The following RGS5 variants were observed in gnomAD, a reference collection of about 807,000 sequenced individuals.
The protein encoded by RGS5 is regulator of G-protein signalling 5.
RGS5 carries 20 observed loss-of-function variants against 18.9 expected under a neutral mutation model. The ratio of observed to expected loss-of-function variants is 1.06; its 90% CI spans 0.74 to 1.54. RGS5 has a LOEUF of 1.54. Among genes scored for constraint, RGS5 ranks in the 40% most tolerant of loss-of-function variants. RGS5 has a pLI of 0.00. For missense variants in RGS5, 201 were observed against 211.8 expected (o/e 0.95, Z 0.32); for synonymous variants, 57 against 76.2 (o/e 0.75, Z 1.31).
At chr1:163,244,363 T>C (rs1293185928) in intron 2 of RGS5, 2 of 152,216 alleles carry the variant, frequency 1.3e-5, no homozygotes, top group Non-Finnish European at 2.9e-5. Flanking sequence ...TATATACTTA[T>C]TAATGCATTA....
intron 1 of RGS5, among the ~76,000 whole-genome samples, chr1:163,208,846 G>A (rs1331903627): frequency 6.6e-6 from 1 of 151,954 alleles, no homozygotes; most frequent in Non-Finnish European, 1.5e-5. Flanking sequence ...AATAATCAGA[G>A]ACTGGCATGC....
chr1:163,158,269 C>A lies in RGS5; in HGVS notation c.217+3646G>T, dbSNP rs1011581809. Among the ~76,000 whole-genome samples, 5 of 152,034 alleles carry A rather than the reference C, an allele frequency of 3.3e-5. No homozygotes were observed. The South Asian group carries it at 8.3e-4, about 25-fold the overall frequency. ...CATTCCACTGGTTCTTCTCTAGGAA[C>A]AGCCAGACAGAGAGAAGCAAAGGGC... On this transcript the variant is annotated intron_variant, in intron 3 of 4. Transcript: ENST00000313961.
At chr1:163,311,354 T>G (rs1373754821) in intron 1 of RGS5, among the ~76,000 whole-genome samples, 1 of 152,256 alleles carries the variant, frequency 6.6e-6, no homozygotes, top group African/African-American at 2.4e-5. Flanking sequence ...ATCATTTGTG[T>G]GTTCACTGGA....
At chr1:163,236,556 G>C (rs1647625953) in intron 2 of RGS5, among the ~76,000 whole-genome samples, 1 of 152,056 alleles carries the variant, frequency 6.6e-6, no homozygotes, top group South Asian at 2.1e-4. Flanking sequence ...TTCCCTCACA[G>C]TTAGAAAATT....
At chr1:163,234,751 C>T (rs1244115360) in intron 2 of RGS5, among the ~76,000 whole-genome samples, 1 of 152,166 alleles carries the variant, frequency 6.6e-6, no homozygotes, top group Non-Finnish European at 1.5e-5. Flanking sequence ...AATCTATTAT[C>T]TTTTCTCACT....
intron 2 of RGS5, among the ~76,000 whole-genome samples, chr1:163,257,190 G>GT (rs925665669): frequency 1.2e-4 from 19 of 152,034 alleles, no homozygotes; most frequent in Non-Finnish European, 2.4e-4. Context: ...ATAAGATGTG[G>GT]TTTTTTGGAG....
In RGS5 at chr1:163,147,381, G is replaced by A; in HGVS notation, c.507C>T (p.Arg169=). ...CCTGATAAAACTCAGAGCGCACAAAGCGAGGCAGAGAATCCTTTTCCATCA... is the reference window on the plus strand; with the variant it reads ...CCTGATAAAACTCAGAGCGCACAAAACGAGGCAGAGAATCCTTTTCCATCA... ...HALMEKDSLP[R]FVRSEFYQEL... is the part of the protein sequence containing the mutation. Residue 169 remains arginine, a synonymous_variant, in exon 5 of 5, where the codon CGC becomes CGT. Transcript: ENST00000313961. 1 of 1,611,444 alleles carries A rather than the reference G, an allele frequency of 6.2e-7. No individual in the cohort carries two copies. Among genetic ancestry groups the A allele is most frequent in the Non-Finnish European group, 8.5e-7 (1 of 1,178,826 alleles).
intron 2 of RGS5, among the ~76,000 whole-genome samples, chr1:163,242,549 T>G (rs971076236): frequency 6.6e-6 from 1 of 152,188 alleles, no homozygotes; most frequent in Non-Finnish European, 1.5e-5. Flanking sequence ...ATAAGGCAGA[T>G]TCTGTTCTTA....
chr1:163,172,537 C>T, intron 1 of RGS5: 2 of 1,546,788 alleles, frequency 1.3e-6, no homozygotes, highest in Non-Finnish European at 1.7e-6. Flanking sequence ...TATTCCATTT[C>T]TTCAGAGCAG....
At chr1:163,268,750 C>G (rs1249005961) in intron 2 of RGS5, among the ~76,000 whole-genome samples, 4 of 152,066 alleles carry the variant, frequency 2.6e-5, no homozygotes, top group Non-Finnish European at 4.4e-5. Context: ...GAGAAAACAC[C>G]AGTAAAGGCT....
chr1:163,277,904 A>G (rs1046716452), intron 2 of RGS5, among the ~76,000 whole-genome samples: 2 of 152,208 alleles, frequency 1.3e-5, no homozygotes, highest in Non-Finnish European at 2.9e-5. Flanking sequence ...TAGCTTCAAC[A>G]ATAGACTAGA....
At chr1:163,241,302 A>G (rs950789471) in intron 2 of RGS5, among the ~76,000 whole-genome samples, 1 of 152,194 alleles carries the variant, frequency 6.6e-6, no homozygotes, top group Non-Finnish European at 1.5e-5. Context: ...GGCACAGAGC[A>G]GGTCTGGTTA....
At chr1:163,193,479 T>TTTCAGGAGCTC (rs2101650455) in intron 1 of RGS5, among the ~76,000 whole-genome samples, 1 of 152,252 alleles carries the variant, frequency 6.6e-6, no homozygotes, top group Admixed American at 6.5e-5. Flanking sequence ...TGTTTGGACT[T>TTTCAGGAGCTC]TTCAGGAGCT....
rs1008022470 is a variant in RGS5, at chr1:163,250,432, G to A, written c.-281+55801C>T. On this transcript the variant is annotated intron_variant, in intron 2 of 5. Transcript: ENST00000618415. The stretch of plus-strand genomic sequence containing the variant: ...CAGCAAAATTATGAGACGTGAAGGT[G>A]ATGTGGTGATTATGGCATTATAATT... Among the ~76,000 whole-genome samples the A allele has an allele frequency of 5.6e-4, 85 of 152,178 alleles. 1 individual carries two copies. The highest frequency in any genetic ancestry group is 2.1e-4 in the Non-Finnish European group (14 of 68,044).
At position 163,147,461 on chromosome 1, in the gene RGS5, G is replaced by A. The variant is rs1657183676; in HGVS notation, c.427C>T (p.Leu143=). 6.2e-7 allele frequency: 1 copy of A among 1,611,172 alleles called. No homozygotes were observed. The highest frequency in any genetic ancestry group is 2.2e-5 in the East Asian group (1 of 44,644). The change falls in exon 5 of 5, where the codon CTG becomes TTG. Residue 143 remains leucine (L), a synonymous_variant. Coordinates refer to ENST00000313961, the MANE Select transcript of RGS5 (RefSeq NM_003617.4). Reference sequence around the variant, plus strand: ...AAGCTGCTCAGGGAAGGTTCCACCAGGTTCTTCATTGTGATGTCCTTAGTG... The same window carrying A: ...AAGCTGCTCAGGGAAGGTTCCACCAAGTTCTTCATTGTGATGTCCTTAGTG... ...HFTKDITMKN[L]VEPSLSSFDM... is the part of the protein sequence containing the mutation.
intron 2 of RGS5, among the ~76,000 whole-genome samples, chr1:163,278,057 A>T (rs1012867720): frequency 6.6e-5 from 10 of 152,072 alleles, no homozygotes; most frequent in African/African-American, 2.4e-4. Context: ...TTAAAATTTC[A>T]GAAAAAGAAG....
At chr1:163,234,669 A>G (rs1647573859) in intron 2 of RGS5, among the ~76,000 whole-genome samples, 3 of 152,232 alleles carry the variant, frequency 2.0e-5, no homozygotes, top group Non-Finnish European at 4.4e-5. Context: ...TTATAACAAA[A>G]TCAATCTCTG....
rs546134797 is a variant in RGS5 at position 163,191,870 on chromosome 1, AG to A, written c.44+10921del. 3.3e-4 allele frequency among the ~76,000 whole-genome samples: 51 copies of A among 152,266 alleles called. No homozygotes were observed. The East Asian group carries it at 9.9e-3, about 29-fold the overall frequency. On this transcript the variant is annotated intron_variant, in intron 1 of 4. Coordinates refer to ENST00000313961, the MANE Select transcript of RGS5 (RefSeq NM_003617.4). ...ACAAAGCTTCCTCTGGGGAGAGAAGAGGGGCTGAAGCTTGAGTTAATAATCA... is the reference window on the plus strand; with the variant it reads ...ACAAAGCTTCCTCTGGGGAGAGAAGAGGGCTGAAGCTTGAGTTAATAATCA...
At chr1:163,223,149 T>C (rs1000755837) in intron 2 of RGS5, among the ~76,000 whole-genome samples, 8 of 152,136 alleles carry the variant, frequency 5.3e-5, no homozygotes, top group African/African-American at 9.7e-5. Context: ...CCAGCCTCTA[T>C]TGATTGCTTC....
Sources: allele counts gnomAD v4.1 joint callset (sites outside exome capture counted in the v4.1 genomes callset), GRCh38; gene constraint gnomAD v4.1.1; transcripts MANE v1.5; gene names NCBI Gene and HGNC (gene_info 2026-07-23, HGNC 2026-07-21).